The following BTAF1 variants were observed in gnomAD, a reference collection of about 807,000 sequenced individuals.
The protein encoded by BTAF1 is TATA-binding protein-associated factor 172.
Under a neutral mutation model 227.1 loss-of-function variants are expected in BTAF1, and 38 were observed. The ratio of observed to expected loss-of-function variants is 0.17; its 90% CI spans 0.13 to 0.22. BTAF1 has a LOEUF of 0.22. BTAF1 is among the 10% of genes least tolerant of loss of function. The pLI is 1.00. For missense variants in BTAF1, 1,598 were observed against 2,204.0 expected, an observed-to-expected ratio of 0.73 and a Z score of 5.51; for synonymous variants, 742 against 751.9, an observed-to-expected ratio of 0.99 and a Z score of 0.21.
intron 30 of BTAF1, 46 bp from the exon 31 acceptor site, chr10:92,013,621 A>G: frequency 1.2e-6 from 2 of 1,610,992 alleles, no homozygotes; most frequent in East Asian, 2.2e-5. Flanking sequence ...TTTAGTTGTA[A>G]GGAAATAATC....
Position 92,031,099 on chromosome 10 carries a change from A to C in BTAF1, c.*2166A>C, listed in dbSNP as rs2134206252. Among the ~76,000 whole-genome samples the C allele has an allele frequency of 1.3e-5, 2 of 152,336 alleles. 1 individual carries two copies. Among genetic ancestry groups the C allele is most frequent in the South Asian group, 4.1e-4 (2 of 4,822 alleles). ...TTTAAACTGGGAATTGGGTTCATAG[A>C]TATCCATTGTACTACTTCCCTTGGT... On this transcript the variant is annotated 3_prime_UTR_variant, in exon 38 of 38. Coordinates refer to ENST00000265990, the MANE Select transcript of BTAF1 (RefSeq NM_003972.3).
intron 30 of BTAF1, 82 bp from the exon 31 acceptor site, chr10:92,013,585 T>TA: frequency 6.5e-7 from 1 of 1,528,308 alleles, no homozygotes; most frequent in Non-Finnish European, 9.0e-7. Context: ...ATGATTATAA[T>TA]AATGGGCTTT....
At chr10:91,997,243 T>A (rs1849205512) in intron 24 of BTAF1, 2 of 876,714 alleles carry the variant, frequency 2.3e-6, no homozygotes, top group Non-Finnish European at 3.3e-6. Flanking sequence ...TGAGTGACAC[T>A]CAGTTATATT....
chr10:91,946,442 T>C (rs1845372376), intron 4 of BTAF1, among the ~76,000 whole-genome samples: 1 of 152,240 alleles, frequency 6.6e-6, no homozygotes. Context: ...TTCCCTCAGG[T>C]AGATACCTAG....
intron 4 of BTAF1, 111 bp downstream of exon 4, chr10:91,942,679 A>G: frequency 1.6e-6 from 2 of 1,279,512 alleles, no homozygotes; most frequent in East Asian, 2.4e-5. Context: ...TGAAATGTAA[A>G]TTAACTGAAG....
At chr10:91,982,909 A>G in intron 18 of BTAF1, 148 bp downstream of exon 18, 1 of 869,972 alleles carries the variant, frequency 1.1e-6, no homozygotes, top group Non-Finnish European at 1.7e-6. Flanking sequence ...ATTGAAGATT[A>G]TTTCTCTCCC....
chr10:91,942,148 G>A (rs1367398909), intron 3 of BTAF1, among the ~76,000 whole-genome samples: 1 of 152,124 alleles, frequency 6.6e-6, no homozygotes, highest in Non-Finnish European at 1.5e-5. Context: ...GCTAGGCATG[G>A]TTGTGTGCAC....
intron 20 of BTAF1, among the ~76,000 whole-genome samples, 155 bp downstream of exon 20, chr10:91,989,735 A>G (rs536235322): frequency 6.6e-6 from 1 of 152,226 alleles, no homozygotes; most frequent in Non-Finnish European, 1.5e-5. Context: ...TCTTTGTTAC[A>G]TGAATTTGCA....
rs1363162911 is a variant in BTAF1 at position 91,966,488 on chromosome 10, A to G, written c.1530-149A>G. On this transcript the variant is annotated intron_variant, in intron 13 of 37. Transcript: ENST00000265990. ...GAATGACATTGTTACATGAATGTTC[A>G]TATGAAAACTGTATTATCTTTTAAG... 3 of 752,220 alleles carry G rather than the reference A, an allele frequency of 4.0e-6. No individual in the cohort carries two copies. The East Asian group carries it at 8.0e-5, about 20-fold the overall frequency. 46.6% of individuals were successfully genotyped at this position (752,220 alleles called of 1,614,324 possible).
At chr10:92,028,700 A>G (rs1564729235) in intron 37 of BTAF1, 90 bp from the exon 38 acceptor site, 2 of 1,267,378 alleles carry the variant, frequency 1.6e-6, no homozygotes, top group Admixed American at 2.9e-5. Context: ...GAATAATTGT[A>G]TTAGAAACAA....
At chr10:92,009,741 TATGGCTGCTTTAGCTGCCGCTGCAGTC>T (rs1412650208) in intron 28 of BTAF1, among the ~76,000 whole-genome samples, 1 of 152,228 alleles carries the variant, frequency 6.6e-6, no homozygotes, top group Non-Finnish European at 1.5e-5. Context: ...TTTGTTCCAC[TATGGCTGCTTTAGCTGCCGCTGCAGTC>T]ATGGCTGCAC....
chr10:91,951,417 A>C lies in BTAF1; in HGVS notation c.415A>C (p.Lys139Gln). ...TCTGTTGAAAGGTGAAGTGGATCCT[A>C]AAGAGAGGATAGCACGCCAACGAAA... is the stretch of plus-strand genomic sequence containing the variant. ...QDEKSGEVDPKERIARQRKLL... is the reference protein window; with the variant it reads ...QDEKSGEVDPQERIARQRKLL... Residue 139 changes from lysine to glutamine, a missense_variant, in exon 5 of 38, where the codon AAA (lysine) becomes CAA (glutamine). Lys to Gln is a moderately conservative substitution (Grantham distance 53). Around this residue, in one of 10 missense-constraint regions of BTAF1, gnomAD observed 298 missense variants for 395.2 expected, o/e 0.75. Coordinates refer to ENST00000265990, the MANE Select transcript of BTAF1 (RefSeq NM_003972.3). 1 of 1,609,796 alleles carries C rather than the reference A, an allele frequency of 6.2e-7. No individual in the cohort carries two copies. The highest frequency in any genetic ancestry group is 8.5e-7 in the Non-Finnish European group (1 of 1,178,900).
intron 25 of BTAF1, 59 bp downstream of exon 25, chr10:91,997,810 A>C (rs1849242143): frequency 6.4e-7 from 1 of 1,564,422 alleles, no homozygotes; most frequent in East Asian, 2.3e-5. Flanking sequence ...ATCCATAATA[A>C]TTGTAACCCT....
At chr10:91,984,449 T>TA in intron 19 of BTAF1, 45 bp downstream of exon 19, 1 of 1,485,556 alleles carries the variant, frequency 6.7e-7, no homozygotes, top group East Asian at 2.4e-5. Flanking sequence ...GAACATGAAA[T>TA]ATAGGTTAGA....
rs149514783 is a variant in BTAF1, at chr10:91,996,540, A to C, written c.3481A>C (p.Lys1161Gln). 42 of 1,614,218 alleles carry C rather than the reference A, an allele frequency of 2.6e-5. No homozygotes were observed. In the African/African-American group the frequency reaches 4.8e-4, roughly 18 times the overall value. Residue 1161 changes from lysine (K) to glutamine (Q), a missense_variant, in exon 24 of 38, where the codon AAA (lysine) becomes CAA (glutamine). By Grantham distance (53) the Lys-to-Gln change is moderately conservative. Around this residue, in one of 10 missense-constraint regions of BTAF1, gnomAD observed 425 missense variants for 491.2 expected, o/e 0.87. Transcript: ENST00000265990. ...GCTGGGAGCAATTGATGACAGTGTC[A>C]AACAAGAGGGTGCAATTGAAGCACT... is the stretch of plus-strand genomic sequence containing the variant. ...PWLGAIDDSV[K>Q]QEGAIEALAC...
intron 13 of BTAF1, among the ~76,000 whole-genome samples, chr10:91,964,464 A>G (rs1472902030): frequency 6.6e-6 from 1 of 152,136 alleles, no homozygotes; most frequent in Non-Finnish European, 1.5e-5. Context: ...TTGTTTACTT[A>G]GAAATATAAT....
At chr10:92,008,314 A>C (rs1364079082) in intron 26 of BTAF1, 39 bp downstream of exon 26, 12 of 1,487,426 alleles carry the variant, frequency 8.1e-6, no homozygotes, top group South Asian at 5.3e-5. Flanking sequence ...TTTCAAATGA[A>C]CCTTGAAGCG....
intron 20 of BTAF1, 64 bp downstream of exon 20, chr10:91,989,644 A>T: frequency 7.1e-7 from 1 of 1,414,126 alleles, no homozygotes; most frequent in Non-Finnish European, 9.5e-7. Flanking sequence ...TTGTTTACTT[A>T]TGGGTATAAT....
intron 4 of BTAF1, among the ~76,000 whole-genome samples, chr10:91,945,443 C>T (rs947884185): frequency 1.3e-5 from 2 of 152,090 alleles, no homozygotes; most frequent in Non-Finnish European, 2.9e-5. Context: ...ACGTCAAATC[C>T]CCATTTCCCC....
Sources: allele counts gnomAD v4.1 joint callset (sites outside exome capture counted in the v4.1 genomes callset), GRCh38; gene constraint gnomAD v4.1.1; regional missense constraint gnomAD v4.1.1; transcripts MANE v1.5; gene names NCBI Gene and HGNC (gene_info 2026-07-23, HGNC 2026-07-21).